Variants in UBR3 observed in about 807,000 individuals in gnomAD.
UBR3 encodes the protein E3 ubiquitin-protein ligase UBR3.
In UBR3, 85 loss-of-function variants were observed where a neutral mutation model predicts 243.2. The observed-to-expected ratio is 0.35, with a 90% CI of 0.29 to 0.42. The LOEUF is 0.42. Ranked by LOEUF, UBR3 falls within the 10% of genes least tolerant of loss-of-function variation. The pLI is 1.00. For synonymous variants in UBR3, 748 were observed against 799.8 expected, an observed-to-expected ratio of 0.94 and a Z score of 1.09; for missense variants, 1,686 against 2,300.8, an observed-to-expected ratio of 0.73 and a Z score of 5.47.
intron 29 of UBR3, chr2:170,014,983 T>C (rs1175432834): frequency 9.7e-6 from 2 of 206,036 alleles, no homozygotes; most frequent in African/African-American, 4.6e-5. Context: ...TTTTTTTTTT[T>C]TCTTAAGGCC....
chr2:169,847,534 A>G (rs2082523241), intron 1 of UBR3, among the ~76,000 whole-genome samples: 1 of 152,172 alleles, frequency 6.6e-6, no homozygotes, highest in Admixed American at 6.5e-5. Context: ...TATATATTTA[A>G]TAAACCCCTG....
intron 32 of UBR3, among the ~76,000 whole-genome samples, chr2:170,046,786 T>C (rs1184906716): frequency 6.6e-6 from 1 of 152,220 alleles, no homozygotes; most frequent in Admixed American, 6.5e-5. Context: ...ATGCTTGATT[T>C]TGTACCAGTT....
At chr2:169,931,982 A>G (rs4581866) in intron 18 of UBR3, among the ~76,000 whole-genome samples, 112,620 of 152,064 alleles carry the variant, frequency 0.74, 43,035 homozygotes, top group East Asian at 0.88. Flanking sequence ...AGAAGGTAAG[A>G]AGACAAATTA....
intron 8 of UBR3, 87 bp from the exon 9 acceptor site, chr2:169,905,027 A>G (rs1253879049): frequency 1.7e-6 from 2 of 1,147,768 alleles, no homozygotes; most frequent in East Asian, 3.1e-5. Flanking sequence ...GGTATATCTG[A>G]TTCTAAAGTA....
At chr2:170,029,773 T>G in intron 31 of UBR3, among the ~76,000 whole-genome samples, 1 of 152,078 alleles carries the variant, frequency 6.6e-6, no homozygotes, top group East Asian at 1.9e-4. Context: ...GTCTGATTCC[T>G]GCATTGTAAA....
intron 24 of UBR3, among the ~76,000 whole-genome samples, chr2:169,963,076 A>G (rs1317857274): frequency 1.3e-5 from 2 of 152,150 alleles, no homozygotes; most frequent in African/African-American, 4.8e-5. Context: ...CTGCTTGTTC[A>G]GTTTCTTTGG....
In UBR3 at chr2:169,886,964, A is replaced by C. The variant is rs548196889; in HGVS notation, c.1039-4201A>C. Among the ~76,000 whole-genome samples, 4 of 152,172 alleles carry C rather than the reference A, an allele frequency of 2.6e-5. No individual in the cohort carries two copies. In the East Asian group the frequency reaches 7.7e-4, roughly 29 times the overall value. ...CTTCTAGCCCTGTGTAGTCTGTGTT[A>C]ATATTCTTTGAGTATTGTTGTAACC... On this transcript the variant is annotated intron_variant, in intron 5 of 38. Coordinates refer to ENST00000272793, the MANE Select transcript of UBR3 (RefSeq NM_172070.4).
At chr2:169,951,341 A>G (rs942079130) in intron 23 of UBR3, among the ~76,000 whole-genome samples, 4 of 152,188 alleles carry the variant, frequency 2.6e-5, no homozygotes, top group African/African-American at 4.8e-5. Flanking sequence ...GGGTTAAATG[A>G]TCAGTGGAAG....
At chr2:170,080,365 A>G in intron 37 of UBR3, 180 bp from the exon 38 acceptor site, 1 of 738,508 alleles carries the variant, frequency 1.4e-6, no homozygotes, top group South Asian at 2.4e-5. Context: ...GATATTCCTT[A>G]CCCAAATACC....
chr2:170,038,848 A>G (rs2090894934), intron 31 of UBR3, among the ~76,000 whole-genome samples: 1 of 150,176 alleles, frequency 6.7e-6, no homozygotes, highest in Non-Finnish European at 1.5e-5. Context: ...AACAGCAATT[A>G]CTTTGGCACC....
intron 5 of UBR3, among the ~76,000 whole-genome samples, chr2:169,886,253 G>T (rs1191530008): frequency 6.6e-6 from 1 of 152,126 alleles, no homozygotes; most frequent in Non-Finnish European, 1.5e-5. Flanking sequence ...GTAGGGCAGG[G>T]AATCACATAA....
intron 1 of UBR3, among the ~76,000 whole-genome samples, chr2:169,844,001 TC>T (rs1179214070): frequency 7.0e-6 from 1 of 142,894 alleles, no homozygotes; most frequent in Non-Finnish European, 1.5e-5. Context: ...TTCTTTTTTC[TC>T]TTTACTTTTT....
intron 1 of UBR3, among the ~76,000 whole-genome samples, chr2:169,849,875 C>T (rs1468221433): frequency 6.6e-6 from 1 of 152,020 alleles, no homozygotes; most frequent in African/African-American, 2.4e-5. Flanking sequence ...AAATGGCATG[C>T]AGGAGAGGAA....
At chr2:170,015,245 C>A in intron 29 of UBR3, 36 bp from the exon 30 acceptor site, 1 of 1,508,768 alleles carries the variant, frequency 6.6e-7, no homozygotes, top group Non-Finnish European at 9.1e-7. Flanking sequence ...AAAGAATCTT[C>A]AGTTTAATGA....
intron 31 of UBR3, among the ~76,000 whole-genome samples, chr2:170,037,840 G>GT (rs2090870598): frequency 6.6e-6 from 1 of 151,900 alleles, no homozygotes; most frequent in South Asian, 2.1e-4. Flanking sequence ...TTATGTTTCA[G>GT]TTTTGAAACA....
At chr2:169,994,536 C>T in intron 26 of UBR3, 80 bp downstream of exon 26, 1 of 1,456,020 alleles carries the variant, frequency 6.9e-7, no homozygotes, top group Non-Finnish European at 9.3e-7. Flanking sequence ...TGTCTTTTAC[C>T]AAAATGGCAT....
At chr2:169,948,107 G>A (rs1004926990) in intron 22 of UBR3, among the ~76,000 whole-genome samples, 5 of 150,928 alleles carry the variant, frequency 3.3e-5, no homozygotes, top group African/African-American at 1.2e-4. Context: ...AGTGATTTAA[G>A]CTTAATATTA....
chr2:169,980,306 A>C (rs1318874640), intron 24 of UBR3, among the ~76,000 whole-genome samples: 1 of 152,228 alleles, frequency 6.6e-6, no homozygotes, highest in East Asian at 1.9e-4. Context: ...ATGTTTAGAC[A>C]GCTCTAGATA....
At chr2:169,830,141 T>G (rs867554717) in intron 1 of UBR3, among the ~76,000 whole-genome samples, 2 of 152,316 alleles carry the variant, frequency 1.3e-5, no homozygotes, top group Middle Eastern at 3.4e-3. Flanking sequence ...ATTTTTATTT[T>G]TTGTGCGTGT....
Sources: allele counts gnomAD v4.1 joint callset (sites outside exome capture counted in the v4.1 genomes callset), GRCh38; gene constraint gnomAD v4.1.1; transcripts MANE v1.5; gene names NCBI Gene and HGNC (gene_info 2026-07-23, HGNC 2026-07-21).